The following TPX2 variants were observed in gnomAD, a reference collection of about 807,000 sequenced individuals.
TPX2 encodes TPX2 microtubule nucleation factor.
Under a neutral mutation model 93.6 loss-of-function variants are expected in TPX2, and 21 were observed. That is an observed-to-expected ratio of 0.22 (90% CI 0.16 to 0.32). TPX2 has a LOEUF of 0.32. TPX2 is among the 10% of genes least tolerant of loss of function. The pLI, the probability that TPX2 is intolerant of heterozygous loss-of-function variation, is 1.00. For missense variants in TPX2, 776 were observed against 871.1 expected, an observed-to-expected ratio of 0.89 and a Z score of 1.37; for synonymous variants, 281 against 298.3, an observed-to-expected ratio of 0.94 and a Z score of 0.60.
chr20:31,782,782 A>G (rs1346544671), intron 11 of TPX2, among the ~76,000 whole-genome samples: 1 of 151,966 alleles, frequency 6.6e-6, no homozygotes, highest in Non-Finnish European at 1.5e-5. Flanking sequence ...AGTCCCACCT[A>G]CTAGGGGGCA....
At position 31,798,467 on chromosome 20, in the gene TPX2, C is replaced by T; in HGVS notation, c.2048C>T (p.Ala683Val). The change falls in exon 17 of 18, where the codon GCC (alanine) becomes GTC (valine). Residue 683 changes from alanine (A) to valine (V), a missense_variant. By Grantham distance (64) the Ala-to-Val change is moderately conservative. Coordinates refer to ENST00000300403, the MANE Select transcript of TPX2 (RefSeq NM_012112.5). Reference protein sequence around the residue: ...ELEKRMAEVEAQKAQQLEEAR... With the variant: ...ELEKRMAEVEVQKAQQLEEAR... Reference sequence around the variant, plus strand: ...GAGAAGAGAATGGCTGAGGTAGAAGCCCAGAAAGCCCAGCAGTTGGAGGAG... The same window carrying T: ...GAGAAGAGAATGGCTGAGGTAGAAGTCCAGAAAGCCCAGCAGTTGGAGGAG... 5 of 1,613,706 alleles carry T rather than the reference C, an allele frequency of 3.1e-6. No homozygotes were observed. Among genetic ancestry groups the T allele is most frequent in the South Asian group, 1.1e-5 (1 of 91,052 alleles).
intron 2 of TPX2, among the ~76,000 whole-genome samples, chr20:31,754,776 A>C (rs1406398631): frequency 1.3e-5 from 2 of 152,166 alleles, no homozygotes; most frequent in African/African-American, 4.8e-5. Flanking sequence ...ATCAAGGATA[A>C]GTAATTATGG....
Position 31,801,188 on chromosome 20 carries a change from G to T in TPX2, c.*108G>T. The T allele has an allele frequency of 1.1e-6, 1 of 914,302 alleles. No homozygotes were observed. The highest frequency in any genetic ancestry group is 2.5e-5 in the East Asian group (1 of 40,176). The allele number at this position is 914,302 out of a possible 1,614,324, so 56.6% of individuals were successfully genotyped here. ...GGCATGGAGAGAACCCATTTCTCCA[G>T]ACTTTTACCTACCCGTGCCTGAGAA... On this transcript the variant is annotated 3_prime_UTR_variant, in exon 18 of 18. Coordinates refer to ENST00000300403, the MANE Select transcript of TPX2 (RefSeq NM_012112.5).
At chr20:31,775,592 T>C (rs1018201942) in intron 7 of TPX2, among the ~76,000 whole-genome samples, 2 of 152,024 alleles carry the variant, frequency 1.3e-5, no homozygotes, top group African/African-American at 4.8e-5. Context: ...GCCAGGATGG[T>C]CTTGAACTCC....
At chr20:31,742,470 T>C (rs1167120986) in intron 1 of TPX2, 71 bp from the exon 2 acceptor site, 2 of 152,200 alleles carry the variant, frequency 1.3e-5, no homozygotes, top group Non-Finnish European at 2.9e-5. Context: ...GAGCCACTGC[T>C]CCCGGCCTGT....
intron 3 of TPX2, 112 bp downstream of exon 3, chr20:31,757,694 C>A: frequency 1.3e-6 from 1 of 743,440 alleles, no homozygotes; most frequent in Non-Finnish European, 2.2e-6. Context: ...CAACTTCTTT[C>A]TGCACCAAGA....
chr20:31,793,844 C>T lies in TPX2; in HGVS notation c.1510-4C>T. 1 of 1,557,224 alleles carries T rather than the reference C, an allele frequency of 6.4e-7. No homozygotes were observed. Among genetic ancestry groups the T allele is most frequent in the Non-Finnish European group, 8.7e-7 (1 of 1,152,332 alleles). ...TTATTTCTAAACTGCAATTTTTTCC[C>T]TAGGAAGAGGACGAACCGGTAGTGA... On this transcript the variant is annotated splice_polypyrimidine_tract_variant and splice_region_variant and intron_variant, in intron 13 of 17. Transcript: ENST00000300403.
intron 5 of TPX2, among the ~76,000 whole-genome samples, chr20:31,769,753 G>A (rs1000682911): frequency 5.9e-5 from 9 of 152,074 alleles, no homozygotes; most frequent in South Asian, 2.1e-4. Context: ...GCACTTTTTG[G>A]TATGTATTAG....
chr20:31,776,050 G>GGTTTTTTTT (rs2061995504), intron 8 of TPX2, 62 bp downstream of exon 8: 1 of 325,920 alleles, frequency 3.1e-6, no homozygotes, highest in African/African-American at 2.9e-5. Flanking sequence ...CTTGGTAGGT[G>GGTTTTTTTT]TTTTTTTTTT....
At chr20:31,750,605 A>G (rs2061813817) in intron 2 of TPX2, among the ~76,000 whole-genome samples, 1 of 152,070 alleles carries the variant, frequency 6.6e-6, no homozygotes, top group African/African-American at 2.4e-5. Flanking sequence ...AGCTGGGATT[A>G]CAGGCATGTG....
chr20:31,761,798 A>C (rs1234079443), intron 4 of TPX2, among the ~76,000 whole-genome samples: 1 of 152,052 alleles, frequency 6.6e-6, no homozygotes, highest in Non-Finnish European at 1.5e-5. Context: ...ATCATATGGT[A>C]ATTATATTTT....
intron 12 of TPX2, among the ~76,000 whole-genome samples, 164 bp from the exon 13 acceptor site, chr20:31,792,571 C>T (rs4438562): frequency 2.0e-5 from 3 of 150,590 alleles, no homozygotes; most frequent in Admixed American, 2.0e-4. Flanking sequence ...CAGCACTTTG[C>T]GAGGCCAAGG....
chr20:31,791,460 A>G (rs1369960854), intron 12 of TPX2, among the ~76,000 whole-genome samples: 1 of 151,868 alleles, frequency 6.6e-6, no homozygotes, highest in African/African-American at 2.4e-5. Context: ...ATTTTTTTGT[A>G]TTTTTAGTAG....
intron 12 of TPX2, among the ~76,000 whole-genome samples, chr20:31,786,402 T>TTTTTTGTTTTTTG (rs1555787863): frequency 5.4e-5 from 6 of 111,508 alleles, no homozygotes; most frequent in African/African-American, 2.6e-4. Flanking sequence ...GAACTACTGT[T>TTTTTTGTTTTTTG]TTTTTTTTTT....
chr20:31,775,021 G>A (rs764272953), intron 7 of TPX2, among the ~76,000 whole-genome samples: 3 of 152,080 alleles, frequency 2.0e-5, no homozygotes, highest in Admixed American at 6.6e-5. Flanking sequence ...GTACAGTGGC[G>A]TGATCTTAGC....
chr20:31,750,454 ATTTATT>A (rs1289624781), intron 2 of TPX2, among the ~76,000 whole-genome samples: 63 of 66,844 alleles, frequency 9.4e-4, no homozygotes, highest in African/African-American at 1.7e-3. Context: ...GTGCCCGGCT[ATTTATT>A]TATTTATTTA....
At chr20:31,763,015 C>G (rs188133843) in intron 4 of TPX2, among the ~76,000 whole-genome samples, 101 of 152,252 alleles carry the variant, frequency 6.6e-4, no homozygotes, top group African/African-American at 2.3e-3. Context: ...GTTCTCTATC[C>G]TATTCCATTT....
At chr20:31,744,158 A>C (rs1017003608) in intron 2 of TPX2, among the ~76,000 whole-genome samples, 107 of 132,212 alleles carry the variant, frequency 8.1e-4, no homozygotes, top group Non-Finnish European at 6.9e-4. Flanking sequence ...AATTTTTTTA[A>C]CTTTTTTTTT....
intron 10 of TPX2, among the ~76,000 whole-genome samples, chr20:31,779,548 T>C (rs1450734552): frequency 2.0e-5 from 3 of 152,256 alleles, no homozygotes; most frequent in African/African-American, 7.2e-5. Context: ...CACTAATTAG[T>C]TCTTTGCATT....
Sources: gnomAD v4.1 joint callset for allele counts (sites outside exome capture counted in the v4.1 genomes callset) on GRCh38, gnomAD v4.1.1 for gene constraint, MANE v1.5 for transcripts, NCBI Gene and HGNC (gene_info 2026-07-23, HGNC 2026-07-21) for gene names.